Variants in DLG2 observed in about 807,000 individuals in gnomAD.
The protein encoded by DLG2 is discs large MAGUK scaffold protein 2.
A neutral mutation model predicts 132.5 loss-of-function variants in DLG2; 45 were observed. The observed-to-expected ratio is 0.34, with a 90% confidence interval of 0.27 to 0.44. The LOEUF (loss-of-function observed/expected upper bound fraction) is 0.44. Among genes scored for constraint, DLG2 ranks in the 20% least tolerant of loss-of-function variants. The pLI is 1.00. For missense variants in DLG2, 1,045 were observed against 1,196.9 expected, an observed-to-expected ratio of 0.87 and a Z score of 1.87; for synonymous variants, 424 against 419.6, an observed-to-expected ratio of 1.01 and a Z score of -0.13.
At chr11:84,153,052 C>A (rs2095341364) in intron 9 of DLG2, among the ~76,000 whole-genome samples, 1 of 152,048 alleles carries the variant, frequency 6.6e-6, no homozygotes, top group African/African-American at 2.4e-5. Flanking sequence ...TAACAAATTC[C>A]CTTACGCTTG....
intron 5 of DLG2, among the ~76,000 whole-genome samples, chr11:85,117,968 G>T (rs969641502): frequency 1.3e-5 from 2 of 152,014 alleles, no homozygotes; most frequent in African/African-American, 4.8e-5. Flanking sequence ...AAAATAAAAT[G>T]ACTTCTATTA....
intron 4 of DLG2, among the ~76,000 whole-genome samples, chr11:85,156,127 G>A (rs1450497954): frequency 6.6e-6 from 1 of 152,164 alleles, no homozygotes; most frequent in East Asian, 1.9e-4. Flanking sequence ...TGCAACCACT[G>A]TGGGCAGAAG....
intron 6 of DLG2, among the ~76,000 whole-genome samples, chr11:85,074,297 A>C (rs2066244716): frequency 6.6e-6 from 1 of 151,816 alleles, no homozygotes; most frequent in South Asian, 2.1e-4. Context: ...CTTTTCTCTA[A>C]AACTTCTCAG....
In DLG2 at chr11:83,459,932, A is replaced by G; in HGVS notation, c.2822-8T>C. On this transcript the variant is annotated splice_region_variant and splice_polypyrimidine_tract_variant and intron_variant, in intron 27 of 27. Coordinates refer to ENST00000376104, the MANE Select transcript of DLG2 (RefSeq NM_001142699.3). ...TATCTCCTTGGACAATAGCTGTAACAAAAGCAAACACACCCAGAATTAGAA... is the reference window on the plus strand; with the variant it reads ...TATCTCCTTGGACAATAGCTGTAACGAAAGCAAACACACCCAGAATTAGAA... 7.0e-7 allele frequency: 1 copy of G among 1,424,134 alleles called. No homozygotes were observed. Among genetic ancestry groups the G allele is most frequent in the South Asian group, 1.2e-5 (1 of 85,124 alleles). 88.2% of individuals were successfully genotyped at this position (1,424,134 alleles called of 1,614,324 possible).
chr11:85,392,452 A>G (rs1236810731), intron 3 of DLG2, among the ~76,000 whole-genome samples: 8 of 152,074 alleles, frequency 5.3e-5, no homozygotes, highest in African/African-American at 1.7e-4. Flanking sequence ...CTTAAAATTC[A>G]TATGGAACCA....
chr11:84,167,585 T>C (rs1389459666), intron 8 of DLG2, among the ~76,000 whole-genome samples: 3 of 152,190 alleles, frequency 2.0e-5, no homozygotes, highest in East Asian at 3.8e-4. Context: ...TCTTAAATAA[T>C]AATTTCTCTG....
chr11:84,952,790 T>C (rs1044661460), intron 6 of DLG2, among the ~76,000 whole-genome samples: 3 of 152,230 alleles, frequency 2.0e-5, no homozygotes, highest in Admixed American at 6.5e-5. Context: ...AAAGGGTACA[T>C]TGAGGGTTGT....
intron 3 of DLG2, among the ~76,000 whole-genome samples, chr11:85,361,219 G>A (rs182121748): frequency 1.3e-5 from 2 of 152,008 alleles, no homozygotes; most frequent in East Asian, 3.9e-4. Flanking sequence ...GCAGTGGCAC[G>A]ATCTTGGCTC....
chr11:85,082,442 G>A (rs1006588100), intron 6 of DLG2, among the ~76,000 whole-genome samples: 1 of 152,058 alleles, frequency 6.6e-6, no homozygotes, highest in Non-Finnish European at 1.5e-5. Flanking sequence ...CAACAAGGTT[G>A]GGTAAGGCAA....
rs71036458 is a variant in DLG2 at position 85,082,735 on chromosome 11, CTTTT to C, written c.357+28922_357+28925del. ...AAGCACATGGTTTTTTCTTTTCTTT[CTTTT>C]TTTTTTTTTTTTTTTTCACCTGAGG... On this transcript the variant is annotated intron_variant, in intron 6 of 27. Coordinates refer to ENST00000376104, the MANE Select transcript of DLG2 (RefSeq NM_001142699.3). 7.9e-5 allele frequency among the ~76,000 whole-genome samples: 9 copies of C among 113,402 alleles called. No individual in the cohort carries two copies. The South Asian group carries it at 9.3e-4, about 12-fold the overall frequency. The allele number at this position is 113,402 out of a possible 152,430, so 74.4% of individuals were successfully genotyped here. A position where few individuals can be genotyped will look rare whatever the true frequency, so the allele number is the denominator to read the frequency against.
intron 6 of DLG2, among the ~76,000 whole-genome samples, chr11:84,882,075 C>G (rs375370288): frequency 1.3e-5 from 2 of 152,140 alleles, no homozygotes; most frequent in African/African-American, 4.8e-5. Flanking sequence ...CTTGCTGATT[C>G]TAAAGGAATT....
At chr11:84,783,619 A>C (rs1205354695) in intron 6 of DLG2, among the ~76,000 whole-genome samples, 1 of 152,172 alleles carries the variant, frequency 6.6e-6, no homozygotes, top group Non-Finnish European at 1.5e-5. Context: ...CTATAGCTTT[A>C]GTAGAGATGT....
At chr11:84,529,330 A>G (rs2099329752) in intron 7 of DLG2, among the ~76,000 whole-genome samples, 1 of 152,156 alleles carries the variant, frequency 6.6e-6, no homozygotes, top group African/African-American at 2.4e-5. Context: ...AAGGCATCCA[A>G]ATAGGAAGAG....
intron 15 of DLG2, among the ~76,000 whole-genome samples, chr11:83,892,138 A>G (rs773287828): frequency 6.6e-6 from 1 of 152,190 alleles, no homozygotes; most frequent in Non-Finnish European, 1.5e-5. Context: ...ATATGTTCCA[A>G]GTAGTCATTT....
intron 15 of DLG2, among the ~76,000 whole-genome samples, chr11:83,917,959 A>G (rs1280599884): frequency 1.3e-5 from 2 of 152,176 alleles, no homozygotes. Flanking sequence ...ATGAAAGTGC[A>G]TGAAGAAGAA....
At chr11:85,448,748 T>A (rs1759271683) in intron 3 of DLG2, among the ~76,000 whole-genome samples, 1 of 152,176 alleles carries the variant, frequency 6.6e-6, no homozygotes, top group Non-Finnish European at 1.5e-5. Context: ...ATATTCAACA[T>A]CTATCTTATC....
chr11:85,117,709 A>C (rs1159569644), intron 5 of DLG2, among the ~76,000 whole-genome samples: 1 of 151,910 alleles, frequency 6.6e-6, no homozygotes, highest in Non-Finnish European at 1.5e-5. Flanking sequence ...CCCCCAAAGC[A>C]GATGTCCTGT....
chr11:85,270,255 C>G (rs2077446214), intron 4 of DLG2, among the ~76,000 whole-genome samples: 1 of 152,164 alleles, frequency 6.6e-6, no homozygotes, highest in Non-Finnish European at 1.5e-5. Flanking sequence ...GAATAAGTCT[C>G]ATGAGATCTG....
intron 7 of DLG2, among the ~76,000 whole-genome samples, chr11:84,364,507 T>A (rs1042920380): frequency 2.0e-4 from 30 of 152,214 alleles, no homozygotes; most frequent in Non-Finnish European, 2.8e-4. Flanking sequence ...TTTATTTCCT[T>A]CTCCTGCCTA....
Sources: allele counts gnomAD v4.1 joint callset (sites outside exome capture counted in the v4.1 genomes callset), GRCh38; gene constraint gnomAD v4.1.1; transcripts MANE v1.5; gene names NCBI Gene and HGNC (gene_info 2026-07-23, HGNC 2026-07-21).